TFAP2D: variants seen among roughly 807,000 people sequenced by gnomAD.
The protein encoded by TFAP2D is transcription factor AP-2-delta.
TFAP2D carries 9 observed loss-of-function variants against 43.6 expected under a neutral mutation model. The ratio of observed to expected loss-of-function variants is 0.21; its 90% CI spans 0.12 to 0.36. TFAP2D has a LOEUF of 0.36. TFAP2D is among the 10% of genes least tolerant of loss of function. The pLI is 1.00. For synonymous variants in TFAP2D, 256 were observed against 224.9 expected (o/e 1.14, Z -1.24); for missense variants, 513 against 561.4 (o/e 0.91, Z 0.87).
intron 7 of TFAP2D, among the ~76,000 whole-genome samples, chr6:50,772,255 G>C (rs959194900): frequency 2.6e-5 from 4 of 152,066 alleles, no homozygotes; most frequent in Admixed American, 6.6e-5. Context: ...GTGGGCGGAG[G>C]GGGGAGGGAT....
At chr6:50,748,669 C>A (rs1300962579) in intron 6 of TFAP2D, among the ~76,000 whole-genome samples, 1 of 151,724 alleles carries the variant, frequency 6.6e-6, no homozygotes, top group African/African-American at 2.4e-5. Flanking sequence ...TTTTTGAATT[C>A]TAAAAATGAA....
intron 7 of TFAP2D, among the ~76,000 whole-genome samples, chr6:50,765,048 T>C (rs550289994): frequency 5.3e-5 from 8 of 152,292 alleles, no homozygotes; most frequent in African/African-American, 1.9e-4. Flanking sequence ...ATTCATCTTA[T>C]TACTGAAAGT....
At chr6:50,717,680 A>G (rs1271581719) in intron 2 of TFAP2D, among the ~76,000 whole-genome samples, 3 of 152,234 alleles carry the variant, frequency 2.0e-5, no homozygotes, top group Admixed American at 6.5e-5. Context: ...TGTATATATC[A>G]TAATATATAT....
At chr6:50,725,694 TG>T (rs2114035159) in intron 3 of TFAP2D, among the ~76,000 whole-genome samples, 1 of 152,326 alleles carries the variant, frequency 6.6e-6, no homozygotes, top group Admixed American at 6.5e-5. Context: ...CATTACCATC[TG>T]TAGTCTGGAT....
chr6:50,719,387 C>G (rs985882362), intron 3 of TFAP2D, among the ~76,000 whole-genome samples: 1 of 151,302 alleles, frequency 6.6e-6, no homozygotes, highest in Non-Finnish European at 1.5e-5. Context: ...TGTTGCTCCT[C>G]ACAGAACAGT....
intron 7 of TFAP2D, among the ~76,000 whole-genome samples, chr6:50,768,390 A>G (rs1331378418): frequency 7.0e-6 from 1 of 143,034 alleles, no homozygotes; most frequent in East Asian, 2.1e-4. Flanking sequence ...CTGGAGTGCA[A>G]TGGTGCAATC....
chr6:50,744,402 G>A (rs115991249), intron 5 of TFAP2D, among the ~76,000 whole-genome samples: 7,701 of 151,432 alleles, frequency 0.051, 661 homozygotes, highest in African/African-American at 0.18. Flanking sequence ...GTGTTCCATG[G>A]TATATATGTA....
intron 7 of TFAP2D, among the ~76,000 whole-genome samples, chr6:50,755,178 A>C (rs2113888188): frequency 6.6e-6 from 1 of 152,084 alleles, no homozygotes. Flanking sequence ...GCATGTCTTA[A>C]ATTTTATCAT....
At chr6:50,748,202 T>A (rs1769151109) in intron 6 of TFAP2D, among the ~76,000 whole-genome samples, 2 of 152,088 alleles carry the variant, frequency 1.3e-5, no homozygotes, top group South Asian at 4.1e-4. Flanking sequence ...GTGGAAATAA[T>A]ACCCTTTTTG....
At chr6:50,734,814 G>C (rs987588097) in intron 5 of TFAP2D, among the ~76,000 whole-genome samples, 2 of 152,084 alleles carry the variant, frequency 1.3e-5, no homozygotes, top group South Asian at 2.1e-4. Context: ...AAAATTTTAT[G>C]GTCTGGCACC....
chr6:50,718,910 G>T (rs373645296), intron 2 of TFAP2D, among the ~76,000 whole-genome samples, 180 bp from the exon 3 acceptor site: 3 of 152,270 alleles, frequency 2.0e-5, no homozygotes, highest in African/African-American at 4.8e-5. Context: ...TTAGATTGTG[G>T]TTTTTCTTGC....
intron 5 of TFAP2D, among the ~76,000 whole-genome samples, chr6:50,732,009 T>C (rs998813187): frequency 1.3e-5 from 2 of 152,120 alleles, no homozygotes; most frequent in Non-Finnish European, 1.5e-5. Context: ...GTTTTACTCC[T>C]GTATGAATTT....
chr6:50,769,130 G>T (rs1769486609), intron 7 of TFAP2D, among the ~76,000 whole-genome samples: 1 of 152,012 alleles, frequency 6.6e-6, no homozygotes, highest in African/African-American at 2.4e-5. Flanking sequence ...TCCTGACCTT[G>T]TGGTCTACCT....
Position 50,765,005 on chromosome 6 carries a change from G to T in TFAP2D, c.1140-7640G>T, listed in dbSNP as rs539533598. The stretch of plus-strand genomic sequence containing the variant: ...ATATAATGCATTATTCTTAACTATA[G>T]CCACCATGCTATACAGTAGATCCCC... On this transcript the variant is annotated intron_variant, in intron 7 of 7. Coordinates refer to ENST00000008391, the MANE Select transcript of TFAP2D (RefSeq NM_172238.4). Among the ~76,000 whole-genome samples, 7 of 152,034 alleles carry T rather than the reference G, an allele frequency of 4.6e-5. No individual in the cohort carries two copies. In the South Asian group the frequency reaches 1.5e-3, roughly 32 times the overall value.
rs183412062 is a variant in TFAP2D, at chr6:50,734,528, G to C, written c.883+5216G>C. ...TCAGTGTCTCATTCGCAGACCCAGG[G>C]ACCCAGAATTCTTCCATCCATAGCT... On this transcript the variant is annotated intron_variant, in intron 5 of 7. Transcript: ENST00000008391. Among the ~76,000 whole-genome samples the C allele has an allele frequency of 3.1e-4, 47 of 152,124 alleles. 1 individual carries two copies. The highest frequency in any genetic ancestry group is 3.4e-3 in the Middle Eastern group (1 of 294).
Position 50,715,486 on chromosome 6 carries a change from T to A in TFAP2D, c.410T>A (p.Leu137His). Residue 137 changes from leucine (L) to histidine (H), a missense_variant, in exon 2 of 8, where the codon CTC becomes CAC. By Grantham distance (99) the Leu-to-His change is moderately conservative. Around this residue, in one of 3 missense-constraint regions of TFAP2D, gnomAD observed 311 missense variants for 316.2 expected, o/e 0.98. Transcript: ENST00000008391. ...GAGCAGAGGCGGGAGCTGGGCTGCC[T>A]CGATGCCTACCGCCGCCATGACCTG... ...LDEQRRELGC[L>H]DAYRRHDLSL... 6.2e-7 allele frequency: 1 copy of A among 1,613,810 alleles called. No individual in the cohort carries two copies.
rs774595319 is a variant in TFAP2D at position 50,772,882 on chromosome 6, T to C, written c.*18T>C. The C allele has an allele frequency of 1.3e-6, 2 of 1,598,320 alleles. No individual in the cohort carries two copies. The highest frequency in any genetic ancestry group is 2.7e-5 in the African/African-American group (2 of 74,416). ...CAGACTAGCTACATCAAACAGAATC[T>C]ATTTCCAGAGAGTCTTGCTGCTGAT... On this transcript the variant is annotated 3_prime_UTR_variant, in exon 8 of 8. Coordinates refer to ENST00000008391, the MANE Select transcript of TFAP2D (RefSeq NM_172238.4).
intron 7 of TFAP2D, among the ~76,000 whole-genome samples, chr6:50,760,015 GT>G (rs1218633301): frequency 1.3e-5 from 2 of 151,836 alleles, no homozygotes; most frequent in East Asian, 1.9e-4. Context: ...ATGGCCAAGT[GT>G]TTTTTTGGTT....
chr6:50,748,045 A>G (rs1356613328), intron 6 of TFAP2D, among the ~76,000 whole-genome samples: 3 of 152,022 alleles, frequency 2.0e-5, no homozygotes, highest in Non-Finnish European at 4.4e-5. Flanking sequence ...GAAAATTATA[A>G]TACAGCTTTA....
Sources: allele counts gnomAD v4.1 joint callset (sites outside exome capture counted in the v4.1 genomes callset), GRCh38; gene constraint gnomAD v4.1.1; regional missense constraint gnomAD v4.1.1; transcripts MANE v1.5; gene names NCBI Gene and HGNC (gene_info 2026-07-23, HGNC 2026-07-21).